MGMT: variants seen among roughly 807,000 people sequenced by gnomAD.
MGMT encodes methylated-DNA--protein-cysteine methyltransferase.
Under a neutral mutation model 15.9 loss-of-function variants are expected in MGMT, and 14 were observed. The ratio of observed to expected loss-of-function variants is 0.88; its 90% CI spans 0.58 to 1.37. The LOEUF (loss-of-function observed/expected upper bound fraction) is 1.37, where lower values mean the gene tolerates loss of function less well. Among genes scored for constraint, MGMT ranks in the 40% most tolerant of loss-of-function variants. The pLI, the probability that MGMT is intolerant of heterozygous loss-of-function variation, is 0.00. For synonymous variants in MGMT, 130 were observed against 118.2 expected, an observed-to-expected ratio of 1.10 and a Z score of -0.65; for missense variants, 282 against 268.1, an observed-to-expected ratio of 1.05 and a Z score of -0.36.
intron 2 of MGMT, among the ~76,000 whole-genome samples, chr10:129,609,601 G>C (rs1846935862): frequency 6.6e-6 from 1 of 152,238 alleles, no homozygotes; most frequent in Admixed American, 6.5e-5. Context: ...CTCTGGTGCT[G>C]GGAGATGATG....
chr10:129,523,809 G>A (rs12784269), intron 1 of MGMT, among the ~76,000 whole-genome samples: 34,375 of 152,118 alleles, frequency 0.23, 4,535 homozygotes, highest in Non-Finnish European at 0.29. Context: ...CTGACCAGGC[G>A]GGACCCTGGC....
intron 2 of MGMT, among the ~76,000 whole-genome samples, chr10:129,633,756 A>G (rs1303812053): frequency 6.6e-6 from 1 of 152,224 alleles, no homozygotes; most frequent in Non-Finnish European, 1.5e-5. Context: ...AGTAACATAA[A>G]CACAGATAAA....
intron 2 of MGMT, among the ~76,000 whole-genome samples, chr10:129,584,029 G>A (rs772642282): frequency 6.6e-5 from 10 of 152,204 alleles, no homozygotes; most frequent in African/African-American, 1.7e-4. Flanking sequence ...GGAAGTCTCC[G>A]ATGCAGAAGC....
chr10:129,652,750 C>T (rs1343362561), intron 2 of MGMT, among the ~76,000 whole-genome samples: 1 of 152,184 alleles, frequency 6.6e-6, no homozygotes, highest in Non-Finnish European at 1.5e-5. Flanking sequence ...CTGCCTGCCT[C>T]TGGGAGGCCT....
chr10:129,709,235 A>G (rs1417368481), intron 3 of MGMT, among the ~76,000 whole-genome samples: 6 of 152,190 alleles, frequency 3.9e-5, no homozygotes, highest in Non-Finnish European at 8.8e-5. Context: ...CTGCCCACCA[A>G]TGGGCTGCTG....
intron 2 of MGMT, among the ~76,000 whole-genome samples, chr10:129,685,000 A>G (rs139321141): frequency 7.9e-4 from 121 of 152,320 alleles, no homozygotes; most frequent in African/African-American, 2.6e-3. Context: ...CGAGTAGCTG[A>G]TGAAATTCTA....
intron 2 of MGMT, among the ~76,000 whole-genome samples, chr10:129,550,093 TC>T (rs1383787465): frequency 1.3e-5 from 2 of 152,216 alleles, no homozygotes; most frequent in Non-Finnish European, 2.9e-5. Context: ...CTACACTGTT[TC>T]TTGTGATAAA....
chr10:129,739,042 A>G (rs1848599342), intron 3 of MGMT, among the ~76,000 whole-genome samples: 1 of 152,262 alleles, frequency 6.6e-6, no homozygotes, highest in African/African-American at 2.4e-5. Flanking sequence ...AAACAGAACC[A>G]AAGACAAAAA....
intron 3 of MGMT, among the ~76,000 whole-genome samples, chr10:129,747,950 T>C (rs968891698): frequency 2.0e-5 from 3 of 152,216 alleles, no homozygotes; most frequent in African/African-American, 7.2e-5. Context: ...TAAGCTGTCA[T>C]TTTCCTGAGA....
At chr10:129,500,136 G>A (rs920179074) in intron 1 of MGMT, among the ~76,000 whole-genome samples, 2 of 152,198 alleles carry the variant, frequency 1.3e-5, no homozygotes, top group Non-Finnish European at 2.9e-5. Context: ...CTTGGGATTG[G>A]AAAGGCCATA....
intron 1 of MGMT, among the ~76,000 whole-genome samples, chr10:129,520,683 G>A (rs546703918): frequency 6.6e-6 from 1 of 151,866 alleles, no homozygotes; most frequent in Admixed American, 6.5e-5. Context: ...AGCCCCTACG[G>A]TGCGGGTACA....
chr10:129,616,671 A>G (rs1847031330), intron 2 of MGMT, among the ~76,000 whole-genome samples: 2 of 152,210 alleles, frequency 1.3e-5, no homozygotes, highest in Non-Finnish European at 2.9e-5. Context: ...CCTGTTTGAG[A>G]CATCTTCGAG....
intron 2 of MGMT, among the ~76,000 whole-genome samples, chr10:129,549,238 A>G (rs1158404965): frequency 1.3e-5 from 2 of 152,286 alleles, no homozygotes; most frequent in East Asian, 3.9e-4. Flanking sequence ...GTAGCAGACC[A>G]TCTCCTGGAA....
intron 1 of MGMT, among the ~76,000 whole-genome samples, chr10:129,511,641 C>T (rs1156512228): frequency 6.6e-6 from 1 of 152,146 alleles, no homozygotes; most frequent in Admixed American, 6.5e-5. Context: ...TTCACCTGGC[C>T]ATCAGTTTTT....
intron 2 of MGMT, among the ~76,000 whole-genome samples, chr10:129,703,163 GAGAA>G (rs1848119013): frequency 6.6e-6 from 1 of 152,184 alleles, no homozygotes; most frequent in South Asian, 2.1e-4. Context: ...AATGCCAATA[GAGAA>G]AGAGTTAAAA....
chr10:129,541,179 G>A (rs1210109465), intron 2 of MGMT, among the ~76,000 whole-genome samples: 1 of 152,272 alleles, frequency 6.6e-6, no homozygotes, highest in Non-Finnish European at 1.5e-5. Flanking sequence ...TTCGCACGGG[G>A]ACCAATGACT....
At chr10:129,669,417 C>CT (rs1439174484) in intron 2 of MGMT, among the ~76,000 whole-genome samples, 4 of 152,142 alleles carry the variant, frequency 2.6e-5, no homozygotes, top group African/African-American at 9.7e-5. Flanking sequence ...GGTTTTACTG[C>CT]TTTTTCTTAT....
chr10:129,770,749 A>G lies in MGMT; in HGVS notation c.*3752A>G, dbSNP rs967874157. Among the ~76,000 whole-genome samples the G allele has an allele frequency of 6.6e-6, 1 of 152,182 alleles. No individual in the cohort carries two copies. The highest frequency in any genetic ancestry group is 1.5e-5 in the Non-Finnish European group (1 of 68,038). On this transcript the variant is annotated 3_prime_UTR_variant, in exon 5 of 5. Transcript: ENST00000651593. ...ACTAGGAAGATTTTACTGAAAGACCAATCCCGAAACGGCCCTTGCTTCGGC... is the reference window on the plus strand; with the variant it reads ...ACTAGGAAGATTTTACTGAAAGACCGATCCCGAAACGGCCCTTGCTTCGGC...
At chr10:129,619,896 A>G (rs958014943) in intron 2 of MGMT, among the ~76,000 whole-genome samples, 8 of 151,924 alleles carry the variant, frequency 5.3e-5, no homozygotes, top group African/African-American at 1.7e-4. Context: ...TCATTTTCTC[A>G]GTTCTGTATT....
Sources: gnomAD v4.1 joint callset for allele counts (sites outside exome capture counted in the v4.1 genomes callset) on GRCh38, gnomAD v4.1.1 for gene constraint, MANE v1.5 for transcripts, NCBI Gene and HGNC (gene_info 2026-07-23, HGNC 2026-07-21) for gene names.